Variants in CCDC85A observed in about 807,000 individuals in gnomAD.
CCDC85A encodes coiled-coil domain containing 85A, also known as coiled-coil domain-containing protein 85A.
In CCDC85A, 38 loss-of-function variants were observed where a neutral mutation model predicts 50.2. The ratio of observed to expected loss-of-function variants is 0.76; its 90% CI spans 0.58 to 0.99. CCDC85A has a LOEUF of 0.99. Among genes scored for constraint, CCDC85A ranks in the 50% least tolerant of loss-of-function variants. The pLI, the probability that CCDC85A is intolerant of heterozygous loss-of-function variation, is 0.00. For synonymous variants in CCDC85A, 366 were observed against 301.4 expected, an observed-to-expected ratio of 1.21 and a Z score of -2.22; for missense variants, 820 against 742.0, an observed-to-expected ratio of 1.11 and a Z score of -1.22.
chr2:56,366,458 G>A (rs72916170), intron 3 of CCDC85A, among the ~76,000 whole-genome samples: 2 of 152,146 alleles, frequency 1.3e-5, no homozygotes, highest in African/African-American at 4.8e-5. Context: ...AAGGCATGAG[G>A]TGATCTCATT....
At chr2:56,374,398 A>G (rs1676234301) in intron 4 of CCDC85A, among the ~76,000 whole-genome samples, 1 of 152,234 alleles carries the variant, frequency 6.6e-6, no homozygotes, top group African/African-American at 2.4e-5. Context: ...AATAATCTGC[A>G]ATAATAACAT....
At chr2:56,343,440 T>A (rs2104324989) in intron 3 of CCDC85A, among the ~76,000 whole-genome samples, 1 of 152,352 alleles carries the variant, frequency 6.6e-6, no homozygotes, top group East Asian at 1.9e-4. Context: ...AACAAAGTGA[T>A]GACAGCAATT....
At chr2:56,325,674 G>A (rs1673429822) in intron 2 of CCDC85A, among the ~76,000 whole-genome samples, 1 of 152,078 alleles carries the variant, frequency 6.6e-6, no homozygotes, top group Admixed American at 6.6e-5. Flanking sequence ...ACATTTACAA[G>A]CCAGAAGAAA....
intron 3 of CCDC85A, among the ~76,000 whole-genome samples, chr2:56,352,679 T>G (rs1675015342): frequency 6.6e-6 from 1 of 152,168 alleles, no homozygotes; most frequent in Admixed American, 6.6e-5. Context: ...AAAGCTGTCA[T>G]TGTATGAAAA....
intron 2 of CCDC85A, among the ~76,000 whole-genome samples, chr2:56,314,822 C>G (rs1672849877): frequency 6.6e-6 from 1 of 152,114 alleles, no homozygotes; most frequent in South Asian, 2.1e-4. Flanking sequence ...TTCTCCTTTT[C>G]CTCTTGAGAG....
At chr2:56,334,113 A>ATC (rs1426505942) in intron 2 of CCDC85A, among the ~76,000 whole-genome samples, 1 of 152,078 alleles carries the variant, frequency 6.6e-6, no homozygotes, top group Non-Finnish European at 1.5e-5. Flanking sequence ...TCTTCCCCAA[A>ATC]TCTCTCTATC....
chr2:56,269,396 A>T (rs764596807), intron 2 of CCDC85A, among the ~76,000 whole-genome samples: 13 of 151,614 alleles, frequency 8.6e-5, no homozygotes, highest in Non-Finnish European at 1.5e-5. Context: ...GAAGGAAGCA[A>T]TCTTAATGGT....
intron 2 of CCDC85A, among the ~76,000 whole-genome samples, chr2:56,339,721 C>A (rs572001043): frequency 6.6e-6 from 1 of 151,760 alleles, no homozygotes; most frequent in South Asian, 2.1e-4. Context: ...ATGAACTTTT[C>A]ACTTGGATGG....
At position 56,343,884 on chromosome 2, in the gene CCDC85A, A is replaced by C. The variant is rs78509460; in HGVS notation, c.1317+929A>C. On this transcript the variant is annotated intron_variant, in intron 3 of 5. Transcript: ENST00000407595. The stretch of plus-strand genomic sequence containing the variant: ...GTATTTCAGGAGAAGAAATTTGAAC[A>C]TTAATGCAAAGACCCTTTAGAAAGA... 2.0e-5 allele frequency among the ~76,000 whole-genome samples: 3 copies of C among 152,312 alleles called. No homozygotes were observed. The East Asian group carries it at 5.8e-4, about 29-fold the overall frequency.
chr2:56,282,874 T>G (rs1342391728), intron 2 of CCDC85A, among the ~76,000 whole-genome samples: 1 of 152,236 alleles, frequency 6.6e-6, no homozygotes, highest in Non-Finnish European at 1.5e-5. Context: ...TATAGAATAG[T>G]AGCACTGCAC....
At chr2:56,267,488 G>T (rs768993058) in intron 2 of CCDC85A, among the ~76,000 whole-genome samples, 8 of 152,126 alleles carry the variant, frequency 5.3e-5, no homozygotes, top group Non-Finnish European at 8.8e-5. Flanking sequence ...TATTTAAAAA[G>T]ATATTTGGTA....
intron 2 of CCDC85A, among the ~76,000 whole-genome samples, chr2:56,295,532 CA>C (rs1279638258): frequency 6.6e-6 from 1 of 152,158 alleles, no homozygotes; most frequent in Non-Finnish European, 1.5e-5. Flanking sequence ...GAAAGGATGC[CA>C]CTGGAGTTCA....
intron 3 of CCDC85A, among the ~76,000 whole-genome samples, chr2:56,369,510 T>C (rs1675970240): frequency 1.3e-5 from 2 of 152,142 alleles, no homozygotes; most frequent in African/African-American, 2.4e-5. Context: ...GCTAAACCCA[T>C]GCAAATGTCC....
In CCDC85A at chr2:56,276,214, T is replaced by C. The variant is rs578165495; in HGVS notation, c.1241-66665T>C. ...AGATATAAAATTATTCCCAGGAATA[T>C]GGCAATTTCAGGATTGGCTAACAAG... On this transcript the variant is annotated intron_variant, in intron 2 of 5. Coordinates refer to ENST00000407595, the MANE Select transcript of CCDC85A (RefSeq NM_001080433.2). Among the ~76,000 whole-genome samples, 8 of 152,280 alleles carry C rather than the reference T, an allele frequency of 5.3e-5. No individual in the cohort carries two copies. In the East Asian group the frequency reaches 1.5e-3, roughly 29 times the overall value.
chr2:56,242,752 G>GA (rs1383151020), intron 2 of CCDC85A, among the ~76,000 whole-genome samples: 1 of 152,140 alleles, frequency 6.6e-6, no homozygotes, highest in Non-Finnish European at 1.5e-5. Flanking sequence ...TCACTGTGCA[G>GA]AAACTTTTTA....
intron 2 of CCDC85A, among the ~76,000 whole-genome samples, chr2:56,286,677 C>T (rs1012264364): frequency 2.6e-5 from 4 of 152,140 alleles, no homozygotes; most frequent in African/African-American, 9.7e-5. Flanking sequence ...CCCATCTACT[C>T]ATTTTTACAT....
intron 5 of CCDC85A, among the ~76,000 whole-genome samples, chr2:56,376,207 G>C (rs1348515100): frequency 6.6e-6 from 1 of 152,116 alleles, no homozygotes; most frequent in African/African-American, 2.4e-5. Context: ...TACAGTCTGT[G>C]CATGTATATC....
At chr2:56,204,205 T>C (rs967688905) in intron 2 of CCDC85A, among the ~76,000 whole-genome samples, 1 of 152,178 alleles carries the variant, frequency 6.6e-6, no homozygotes, top group African/African-American at 2.4e-5. Flanking sequence ...TAGAAGAAGA[T>C]CCTTTAAACA....
rs535050957 is a variant in CCDC85A at position 56,329,945 on chromosome 2, G to GTTTTTTTTTTTTTTTTTTTTTTTTTTTT, written c.1241-12925_1241-12898dup. On this transcript the variant is annotated intron_variant, in intron 2 of 5. Coordinates refer to ENST00000407595, the MANE Select transcript of CCDC85A (RefSeq NM_001080433.2). ...AAAATTTGTTTTTTACAGATTTCCT[G>GTTTTTTTTTTTTTTTTTTTTTTTTTTTT]TTTTTTTTTTTTTTTTTTTTTTTTT... is the stretch of plus-strand genomic sequence containing the variant. Among the ~76,000 whole-genome samples the GTTTTTTTTTTTTTTTTTTTTTTTTTTTT allele has an allele frequency of 9.1e-5, 4 of 44,162 alleles. 1 individual carries two copies. Among genetic ancestry groups the GTTTTTTTTTTTTTTTTTTTTTTTTTTTT allele is most frequent in the Non-Finnish European group, 1.4e-4 (3 of 20,882 alleles). 29.0% of individuals were successfully genotyped at this position (44,162 alleles called of 152,430 possible).
Sources: allele counts gnomAD v4.1 joint callset (sites outside exome capture counted in the v4.1 genomes callset), GRCh38; gene constraint gnomAD v4.1.1; transcripts MANE v1.5; gene names NCBI Gene and HGNC (gene_info 2026-07-23, HGNC 2026-07-21).